Variants in CIMAP1B observed in about 807,000 individuals in gnomAD.
CIMAP1B encodes ciliary microtubule associated protein 1B, also known as orf2 5' to PD-ECGF/TP.
chr22:50,532,239 A>C, the CIMAP1B span: 3 of 1,007,002 alleles, frequency 3.0e-6, no homozygotes, highest in Non-Finnish European at 3.9e-6. Context: ...CAGCAAAACA[A>C]ACGCGAGCTT....
At chr22:50,531,520 C>G in the CIMAP1B span, 4 of 1,397,976 alleles carry the variant, frequency 2.9e-6, no homozygotes, top group Non-Finnish European at 1.9e-6. Flanking sequence ...AGGTGGGCCT[C>G]CCTGGAGGCA....
the CIMAP1B span, chr22:50,532,287 T>C: frequency 3.3e-6 from 2 of 610,608 alleles, no homozygotes; most frequent in Non-Finnish European, 4.7e-6. Flanking sequence ...CGGGAGCGGA[T>C]CCAGGGCCAT....
At chr22:50,530,661 G>A in the CIMAP1B span, 4 of 1,598,384 alleles carry the variant, frequency 2.5e-6, no homozygotes, top group South Asian at 4.5e-5. Flanking sequence ...TCCGACCTCA[G>A]GCCCTCCCCA....
the CIMAP1B span, chr22:50,530,504 C>CG: frequency 3.7e-6 from 6 of 1,600,132 alleles, no homozygotes; most frequent in Admixed American, 1.0e-4. Context: ...CGGTCACCAG[C>CG]GGGGCCAGGT....
chr22:50,531,723 C>T, the CIMAP1B span: 9 of 1,365,200 alleles, frequency 6.6e-6, no homozygotes, highest in Non-Finnish European at 8.5e-6. Flanking sequence ...AAGCGCGCGC[C>T]GAAGGTGAAG....
chr22:50,531,578 G>A, the CIMAP1B span: 9 of 1,418,548 alleles, frequency 6.3e-6, no homozygotes, highest in Admixed American at 3.4e-5. Context: ...ACCAGGTCCC[G>A]GAGTGAGGAA....
the CIMAP1B span, chr22:50,531,250 G>T: frequency 6.2e-7 from 1 of 1,611,772 alleles, no homozygotes; most frequent in Non-Finnish European, 8.5e-7. Flanking sequence ...GTGCCGAGGC[G>T]CACTGGGGTA....
chr22:50,530,831 G>C, the CIMAP1B span: 5 of 1,604,328 alleles, frequency 3.1e-6, no homozygotes, highest in Non-Finnish European at 4.3e-6. Context: ...CTCACGACCT[G>C]ATAGGCGCAG....
chr22:50,531,270 C>G, the CIMAP1B span: 9 of 1,609,920 alleles, frequency 5.6e-6, no homozygotes, highest in East Asian at 1.6e-4. Flanking sequence ...ACGTCGCGTT[C>G]CCCGCTCGCT....
chr22:50,531,420 G>A, the CIMAP1B span: 26 of 1,093,020 alleles, frequency 2.4e-5, no homozygotes, highest in Admixed American at 3.1e-4. Flanking sequence ...TGGGGTTCGG[G>A]GTTTGGGATT....
At chr22:50,532,438 G>A in the CIMAP1B span, 3 of 204,678 alleles carry the variant, frequency 1.5e-5, no homozygotes, top group South Asian at 5.2e-4. Context: ...CCCCGGGAAG[G>A]GCCTGCGTGG....
chr22:50,530,989 C>T, the CIMAP1B span: 2 of 1,611,276 alleles, frequency 1.2e-6, no homozygotes, highest in Non-Finnish European at 1.7e-6. Flanking sequence ...GTAGATGGAG[C>T]AAGTTGGGGC....
the CIMAP1B span, chr22:50,530,630 C>T: frequency 6.4e-7 from 1 of 1,571,610 alleles, no homozygotes. Context: ...CCTGGACCCC[C>T]GGGGACTCTG....
chr22:50,531,802 G>A, the CIMAP1B span: 5 of 1,350,014 alleles, frequency 3.7e-6, no homozygotes, highest in Middle Eastern at 2.7e-4. Flanking sequence ...GCGTCTGGCC[G>A]GGCCCAGCCC....
the CIMAP1B span, chr22:50,532,407 T>C: frequency 4.0e-6 from 1 of 247,428 alleles, no homozygotes; most frequent in Non-Finnish European, 7.7e-6. Context: ...CAGGAGATTT[T>C]CGTGCTGTTG....
chr22:50,531,689 C>A, the CIMAP1B span: 1 of 1,369,764 alleles, frequency 7.3e-7, no homozygotes, highest in Non-Finnish European at 9.4e-7. Flanking sequence ...TGGCCCGGGG[C>A]CGCACGTCGT....
the CIMAP1B span, chr22:50,531,311 A>G: frequency 6.3e-7 from 1 of 1,596,370 alleles, no homozygotes; most frequent in Non-Finnish European, 8.5e-7. Flanking sequence ...GGGCGGATCA[A>G]GGGTGTGGGG....
chr22:50,531,209 C>T, the CIMAP1B span: 2 of 1,612,792 alleles, frequency 1.2e-6, no homozygotes, highest in African/African-American at 2.7e-5. Context: ...TGCTGTTCCG[C>T]CTGGACACCC....
At chr22:50,531,386 G>C in the CIMAP1B span, 4 of 1,184,170 alleles carry the variant, frequency 3.4e-6, no homozygotes, top group Admixed American at 1.1e-4. Flanking sequence ...TGGGGAGTCT[G>C]AGCCACGATT....
Sources: allele counts gnomAD v4.1 joint callset, GRCh38; gene constraint gnomAD v4.1.1; transcripts MANE v1.5; gene names NCBI Gene and HGNC (gene_info 2026-07-23, HGNC 2026-07-21).